Variants in RUFY3 observed in about 807,000 individuals in gnomAD.
RUFY3 encodes protein RUFY3.
Under a neutral mutation model 84.0 loss-of-function variants are expected in RUFY3, and 34 were observed. The observed-to-expected ratio is 0.40, with a 90% CI of 0.31 to 0.54. The LOEUF is 0.54. Among genes scored for constraint, RUFY3 ranks in the 20% least tolerant of loss-of-function variants. The pLI is 0.39. For synonymous variants in RUFY3, 242 were observed against 252.9 expected (o/e 0.96, Z 0.41); for missense variants, 507 against 736.8 (o/e 0.69, Z 3.61).
chr4:70,735,983 C>A (rs1289060767), intron 1 of RUFY3, among the ~76,000 whole-genome samples: 1 of 151,270 alleles, frequency 6.6e-6, no homozygotes, highest in Non-Finnish European at 1.5e-5. Flanking sequence ...AGCAAAACTT[C>A]ATCTCAAAAA....
chr4:70,774,298 T>G (rs915032782), intron 6 of RUFY3, among the ~76,000 whole-genome samples: 3 of 151,918 alleles, frequency 2.0e-5, no homozygotes, highest in Non-Finnish European at 2.9e-5. Context: ...TATCCACAGT[T>G]TAATTTTTCA....
rs906405166 is a variant in RUFY3, at chr4:70,794,786, T to G, written c.1458-9T>G. The G allele has an allele frequency of 1.9e-6, 3 of 1,588,930 alleles. No individual in the cohort carries two copies. The highest frequency in any genetic ancestry group is 1.7e-6 in the Non-Finnish European group (2 of 1,158,438). On this transcript the variant is annotated splice_polypyrimidine_tract_variant and intron_variant, in intron 13 of 17. Coordinates refer to ENST00000381006, the MANE Select transcript of RUFY3 (RefSeq NM_001037442.4). ...ATTTTTCATCCTTTTCCTCTCCAAC[T>G]TACCTCAGGAACCAGCTTGAGTTAG... is the stretch of plus-strand genomic sequence containing the variant.
intron 1 of RUFY3, among the ~76,000 whole-genome samples, chr4:70,755,676 G>A (rs897136212): frequency 1.3e-5 from 2 of 152,208 alleles, no homozygotes; most frequent in Admixed American, 6.5e-5. Flanking sequence ...TTGAGGTCGG[G>A]TACGGTGGCT....
At chr4:70,759,407 A>G (rs1278899758) in intron 1 of RUFY3, among the ~76,000 whole-genome samples, 2 of 150,502 alleles carry the variant, frequency 1.3e-5, no homozygotes, top group Non-Finnish European at 3.0e-5. Context: ...TGTGTATACC[A>G]CATTTCTTTA....
intron 1 of RUFY3, among the ~76,000 whole-genome samples, chr4:70,733,166 G>A (rs13434624): frequency 0.075 from 10,021 of 133,046 alleles, 919 homozygotes; most frequent in African/African-American, 0.22. Flanking sequence ...GAGAGAGAGA[G>A]AAAGAAAGAA....
chr4:70,806,309 C>T (rs1578277161), intron 17 of RUFY3, among the ~76,000 whole-genome samples: 2 of 152,298 alleles, frequency 1.3e-5, no homozygotes, highest in East Asian at 3.9e-4. Flanking sequence ...AACTCTATGG[C>T]ACTGCTTCTT....
intron 1 of RUFY3, among the ~76,000 whole-genome samples, chr4:70,736,189 G>T (rs1329403430): frequency 1.3e-5 from 2 of 149,028 alleles, no homozygotes; most frequent in African/African-American, 4.9e-5. Flanking sequence ...AGGAAAGAAA[G>T]AAATGTCTTT....
rs57107005 is a variant in RUFY3 at position 70,807,663 on chromosome 4, CTT to C, written c.*1020_*1021del. On this transcript the variant is annotated 3_prime_UTR_variant, in exon 18 of 18. Coordinates refer to ENST00000381006, the MANE Select transcript of RUFY3 (RefSeq NM_001037442.4). ...TAGCCTCCCAAGTAGCTGGGACTGGCTTTTTTTTTTTTTTTTTGGCCGGGGAG... is the reference window on the plus strand; with the variant it reads ...TAGCCTCCCAAGTAGCTGGGACTGGCTTTTTTTTTTTTTTTGGCCGGGGAG... Among the ~76,000 whole-genome samples the C allele has an allele frequency of 1.7e-4, 22 of 126,126 alleles. No individual in the cohort carries two copies. The highest frequency in any genetic ancestry group is 3.2e-4 in the Admixed American group (4 of 12,432). The allele number at this position is 126,126 out of a possible 152,430, so 82.7% of individuals were successfully genotyped here. A position where few individuals can be genotyped will look rare whatever the true frequency, so the allele number is the denominator to read the frequency against.
At chr4:70,791,118 T>TA in intron 12 of RUFY3, 2 of 855,614 alleles carry the variant, frequency 2.3e-6, no homozygotes, top group Non-Finnish European at 3.7e-6. Context: ...AATAATGACT[T>TA]ATCTCTTTGA....
intron 1 of RUFY3, among the ~76,000 whole-genome samples, chr4:70,742,461 G>A (rs1190400023): frequency 6.6e-6 from 1 of 151,958 alleles, no homozygotes; most frequent in East Asian, 1.9e-4. Flanking sequence ...CTCCTACTTT[G>A]TTCCTGTGAC....
At chr4:70,779,697 C>G (rs1174120636) in intron 8 of RUFY3, among the ~76,000 whole-genome samples, 1 of 151,882 alleles carries the variant, frequency 6.6e-6, no homozygotes, top group East Asian at 1.9e-4. Context: ...ATCTCCCACC[C>G]TCAGCCTCCC....
At chr4:70,744,898 G>A (rs539691691) in intron 1 of RUFY3, among the ~76,000 whole-genome samples, 14 of 151,790 alleles carry the variant, frequency 9.2e-5, no homozygotes, top group African/African-American at 2.7e-4. Flanking sequence ...CAGGTGATGC[G>A]CCCGCCTCAG....
In RUFY3 at chr4:70,731,510, C is replaced by G. The variant is rs75942320; in HGVS notation, c.178+8759C>G. Among the ~76,000 whole-genome samples, 682 of 152,312 alleles carry G rather than the reference C, an allele frequency of 4.5e-3. 22 individuals are homozygous for G. Among genetic ancestry groups the G allele is most frequent in the Admixed American group, 0.033 (504 of 15,300 alleles). ...CTGACCTGGCTGGCAAGTGACACCT[C>G]TATATGCTAAATTTAGCTTTCTGAA... On this transcript the variant is annotated intron_variant, in intron 1 of 17. Transcript: ENST00000381006.
chr4:70,774,418 G>A (rs1727481001), intron 6 of RUFY3, among the ~76,000 whole-genome samples: 1 of 150,240 alleles, frequency 6.7e-6, no homozygotes, highest in African/African-American at 2.5e-5. Context: ...AGACCAGCCT[G>A]GCCAACATGG....
At chr4:70,756,371 T>C (rs1724024086) in intron 1 of RUFY3, among the ~76,000 whole-genome samples, 7 of 152,194 alleles carry the variant, frequency 4.6e-5, no homozygotes. Flanking sequence ...AAATTCAAAT[T>C]TGTGACATCA....
chr4:70,793,755 T>G (rs775600963), intron 12 of RUFY3, 30 bp from the exon 13 acceptor site: 1 of 1,613,870 alleles, frequency 6.2e-7, no homozygotes, highest in South Asian at 1.1e-5. Flanking sequence ...CTTTTGTTTT[T>G]TATCACAAGT....
chr4:70,741,768 A>G (rs1315826708), intron 1 of RUFY3: 2 of 1,030,190 alleles, frequency 1.9e-6, no homozygotes, highest in East Asian at 3.0e-5. Flanking sequence ...GTAAGAGGAA[A>G]TGTCAGCTTT....
chr4:70,730,522 T>G (rs1049681539), intron 1 of RUFY3, among the ~76,000 whole-genome samples: 4 of 148,926 alleles, frequency 2.7e-5, no homozygotes, highest in African/African-American at 1.0e-4. Context: ...GTGGATCACC[T>G]GAGGTCAGGA....
intron 14 of RUFY3, among the ~76,000 whole-genome samples, chr4:70,796,518 AC>A (rs2148812734): frequency 6.6e-6 from 1 of 152,338 alleles, no homozygotes; most frequent in East Asian, 1.9e-4. Flanking sequence ...TGCAGCTGAT[AC>A]GGGCACAACA....
Sources: gnomAD v4.1 joint callset for allele counts (sites outside exome capture counted in the v4.1 genomes callset) on GRCh38, gnomAD v4.1.1 for gene constraint, MANE v1.5 for transcripts, NCBI Gene and HGNC (gene_info 2026-07-23, HGNC 2026-07-21) for gene names.